VCP: variants seen among roughly 807,000 people sequenced by gnomAD.
VCP encodes valosin containing protein.
VCP carries 6 observed loss-of-function variants against 85.7 expected under a neutral mutation model. That is an observed-to-expected ratio of 0.07 (90% CI 0.04 to 0.14). VCP has a LOEUF of 0.14. Ranked by LOEUF, VCP falls within the 10% of genes least tolerant of loss-of-function variation. The pLI is 1.00. For missense variants in VCP, 353 were observed against 1,043.4 expected, an observed-to-expected ratio of 0.34 and a Z score of 9.12; for synonymous variants, 384 against 367.1, an observed-to-expected ratio of 1.05 and a Z score of -0.53.
intron 4 of VCP, among the ~76,000 whole-genome samples, chr9:35,065,924 G>A (rs900329247): frequency 7.9e-5 from 12 of 152,128 alleles, no homozygotes; most frequent in Non-Finnish European, 1.6e-4. Flanking sequence ...TCAAGAGTTC[G>A]AGACGAGCCT....
At chr9:35,066,570 G>A (rs534749772) in intron 4 of VCP, 105 bp downstream of exon 4, 244 of 1,415,518 alleles carry the variant, frequency 1.7e-4, no homozygotes, top group Non-Finnish European at 1.7e-4. Flanking sequence ...CAGGGGAAAA[G>A]CATAAAAGAT....
intron 6 of VCP, among the ~76,000 whole-genome samples, 174 bp from the exon 7 acceptor site, chr9:35,063,254 T>C (rs1828762194): frequency 6.6e-6 from 1 of 152,204 alleles, no homozygotes; most frequent in Non-Finnish European, 1.5e-5. Context: ...TCATTTCTAT[T>C]ACTAGCAGGG....
At position 35,057,270 on chromosome 9, in the gene VCP, G is replaced by A. The variant is rs369994179; in HGVS notation, c.2316-48C>T. ...AAAAGAGGGTTAGGACAGGGCCTGT[G>A]TAAGATTTCCACAACTACCCCTCTA... On this transcript the variant is annotated intron_variant, in intron 16 of 16. Transcript: ENST00000358901. 821 of 1,613,696 alleles carry A rather than the reference G, an allele frequency of 5.1e-4. 1 individual carries two copies. Among genetic ancestry groups the A allele is most frequent in the Non-Finnish European group, 6.6e-4 (782 of 1,179,702 alleles).
intron 13 of VCP, 108 bp downstream of exon 13, chr9:35,060,205 G>A (rs1828694651): frequency 8.8e-7 from 1 of 1,133,848 alleles, no homozygotes; most frequent in Non-Finnish European, 1.3e-6. Context: ...GACTTACTGT[G>A]CAGTTGAGCA....
intron 15 of VCP, chr9:35,057,743 A>T: frequency 3.1e-6 from 2 of 642,242 alleles, no homozygotes; most frequent in Non-Finnish European, 5.5e-6. Context: ...GACAGAAATC[A>T]CATCAGTGAT....
chr9:35,058,932 T>G, intron 15 of VCP, 132 bp downstream of exon 15: 1 of 1,253,274 alleles, frequency 8.0e-7, no homozygotes, highest in Non-Finnish European at 1.1e-6. Flanking sequence ...TTCTTTATCT[T>G]TGATGCCCTA....
rs554311078 is a variant in VCP, at chr9:35,056,180, G to C, written c.*937C>G. On this transcript the variant is annotated 3_prime_UTR_variant, in exon 17 of 17. Transcript: ENST00000358901. ...TGGGATTTTTAGATGCATTAAAAGA[G>C]AGTATAGAGAATATCCACCTGCAAG... 4 of 152,068 alleles carry C rather than the reference G, an allele frequency of 2.6e-5. No homozygotes were observed. Among genetic ancestry groups the C allele is most frequent in the African/African-American group, 9.7e-5 (4 of 41,394 alleles). The allele number at this position is 152,068 out of a possible 1,614,324, so 9.4% of individuals were successfully genotyped here.
chr9:35,067,170 A>C (rs1258285003), intron 3 of VCP, among the ~76,000 whole-genome samples: 1 of 152,240 alleles, frequency 6.6e-6, no homozygotes, highest in Non-Finnish European at 1.5e-5. Flanking sequence ...CAGAAGTGAA[A>C]AAAACAAAAT....
At position 35,059,659 on chromosome 9, in the gene VCP, G is replaced by C. The variant is rs775606754; in HGVS notation, c.1838C>G (p.Thr613Arg). 6.2e-7 allele frequency: 1 copy of C among 1,613,710 alleles called. No individual in the cohort carries two copies. Among genetic ancestry groups the C allele is most frequent in the Non-Finnish European group, 8.5e-7 (1 of 1,179,898 alleles). Residue 613 changes from threonine (T) to arginine (R), a missense_variant, in exon 14 of 17, where the codon ACA (threonine) becomes AGA (arginine). By Grantham distance (71) the Thr-to-Arg change is moderately conservative. Coordinates refer to ENST00000358901, the MANE Select transcript of VCP (RefSeq NM_007126.5). This position sits in a 1 kb window ranked among gnomAD's most constrained non-coding sequence, Gnocchi z 4.9. ...GCCAATGATGAACACATTTTTTTTT[G>C]TGGACATGCCATCCATTTCTGTCAG... is the stretch of plus-strand genomic sequence containing the variant. ...QILTEMDGMS[T>R]KKNVFIIGAT...
Position 35,059,852 on chromosome 9 carries a change from G to C in VCP, c.1696-51C>G, listed in dbSNP as rs1828686123. ...GCACTAACAAAACTAGATGTCTCTA[G>C]GCAAACGTGGTGGCTCACACCTGTA... On this transcript the variant is annotated intron_variant, in intron 13 of 16. Transcript: ENST00000358901. This position sits in a 1 kb window ranked among gnomAD's most constrained non-coding sequence, Gnocchi z 4.9. 1.9e-6 allele frequency: 3 copies of C among 1,612,032 alleles called. No individual in the cohort carries two copies. In the South Asian group the frequency reaches 3.3e-5, roughly 18 times the overall value.
At position 35,059,312 on chromosome 9, in the gene VCP, G is replaced by T. The variant is rs963713722; in HGVS notation, c.2005-93C>A. 6 of 1,578,756 alleles carry T rather than the reference G, an allele frequency of 3.8e-6. No homozygotes were observed. The highest frequency in any genetic ancestry group is 3.7e-5 in the Admixed American group (2 of 54,618). On this transcript the variant is annotated intron_variant, in intron 14 of 16. Transcript: ENST00000358901. This position sits in a 1 kb window ranked among gnomAD's most constrained non-coding sequence, Gnocchi z 4.9. Reference sequence around the variant, plus strand: ...ACCCGAGCACTCCCAACTACAGTTTGCCCCTTCTTTGGCCACCCCATTTTA... The same window carrying T: ...ACCCGAGCACTCCCAACTACAGTTTTCCCCTTCTTTGGCCACCCCATTTTA...
intron 4 of VCP, among the ~76,000 whole-genome samples, chr9:35,066,214 T>C (rs1297928704): frequency 1.3e-5 from 2 of 151,470 alleles, no homozygotes; most frequent in Non-Finnish European, 2.9e-5. Flanking sequence ...ATGGATCACT[T>C]GAGCCCAGCA....
intron 13 of VCP, among the ~76,000 whole-genome samples, 184 bp downstream of exon 13, chr9:35,060,129 T>G (rs934083819): frequency 7.9e-6 from 1 of 125,974 alleles, no homozygotes; most frequent in African/African-American, 2.5e-5. Context: ...AGACCCTGTC[T>G]CAAGAGAGAG....
chr9:35,060,946 G>T (rs1407709242), intron 11 of VCP, 23 bp from the exon 12 acceptor site: 15 of 1,614,168 alleles, frequency 9.3e-6, no homozygotes, highest in Non-Finnish European at 1.3e-5. Context: ...GGAAAACTGG[G>T]GATGAGACTT....
Position 35,059,486 on chromosome 9 carries a change from C to CA in VCP, c.2004+6dup, listed in dbSNP as rs1828678951. The CA allele has an allele frequency of 1.5e-5, 25 of 1,613,752 alleles. No homozygotes were observed. The highest frequency in any genetic ancestry group is 1.9e-5 in the Non-Finnish European group (23 of 1,180,036). On this transcript the variant is annotated splice_region_variant and intron_variant, in intron 14 of 16. Transcript: ENST00000358901. This position sits in a 1 kb window ranked among gnomAD's most constrained non-coding sequence, Gnocchi z 4.9. The stretch of plus-strand genomic sequence containing the variant: ...AAGTCTCCCACAGCCCATGATCTTG[C>CA]ACCTGCCTTGGCAACTGGGGACTTG...
Position 35,056,970 on chromosome 9 carries a change from T to C in VCP, c.*147A>G. Reference sequence around the variant, plus strand: ...GTATTTTTGCAACAGAAACCCCCTGTCCAGAGTCAGACTGTAGCTGAACTG... The same window carrying C: ...GTATTTTTGCAACAGAAACCCCCTGCCCAGAGTCAGACTGTAGCTGAACTG... On this transcript the variant is annotated 3_prime_UTR_variant, in exon 17 of 17. Coordinates refer to ENST00000358901, the MANE Select transcript of VCP (RefSeq NM_007126.5). 2 of 801,448 alleles carry C rather than the reference T, an allele frequency of 2.5e-6. No homozygotes were observed. The highest frequency in any genetic ancestry group is 4.3e-6 in the Non-Finnish European group (2 of 469,128). The allele number at this position is 801,448 out of a possible 1,614,324, so 49.6% of individuals were successfully genotyped here. A position where few individuals can be genotyped will look rare whatever the true frequency, so the allele number is the denominator to read the frequency against.
rs1351533522 is a variant in VCP at position 35,064,146 on chromosome 9, A to ATG, written c.708+6_708+7dup. ...TTTAGACTTGATTCCAGAGCCCAGG[A>ATG]TGCTCACCTTCACACCAATTGCCTT... On this transcript the variant is annotated splice_region_variant and intron_variant, in intron 6 of 16. Transcript: ENST00000358901. 1.2e-6 allele frequency: 2 copies of ATG among 1,614,032 alleles called. No individual in the cohort carries two copies. Among genetic ancestry groups the ATG allele is most frequent in the Non-Finnish European group, 1.7e-6 (2 of 1,180,020 alleles).
At chr9:35,066,870 C>T in intron 3 of VCP, 53 bp from the exon 4 acceptor site, 4 of 1,613,086 alleles carry the variant, frequency 2.5e-6, no homozygotes, top group Non-Finnish European at 2.5e-6. Context: ...GGCCCAAGCA[C>T]TGGGTGTCCA....
rs1227043333 is a variant in VCP, at chr9:35,057,062, C to T, written c.*55G>A. The T allele has an allele frequency of 6.3e-7, 1 of 1,589,606 alleles. No individual in the cohort carries two copies. Among genetic ancestry groups the T allele is most frequent in the Non-Finnish European group, 8.6e-7 (1 of 1,159,616 alleles). On this transcript the variant is annotated 3_prime_UTR_variant, in exon 17 of 17. Transcript: ENST00000358901. ...TCCCTCTCCTGGGCAAGCGCCCCCA[C>T]CCCCAGGGAACAAGGTCCAGGCAGG...
Sources: allele counts gnomAD v4.1 joint callset (sites outside exome capture counted in the v4.1 genomes callset), GRCh38; gene constraint gnomAD v4.1.1; non-coding constraint Gnocchi (gnomAD v3.1); transcripts MANE v1.5; gene names NCBI Gene and HGNC (gene_info 2026-07-23, HGNC 2026-07-21).